MAST4: variants seen among roughly 807,000 people sequenced by gnomAD.
MAST4 encodes microtubule-associated serine/threonine-protein kinase 4.
In MAST4, 89 loss-of-function variants were observed where a neutral mutation model predicts 162.7. The ratio of observed to expected loss-of-function variants is 0.55; its 90% CI spans 0.46 to 0.65. MAST4 has a LOEUF of 0.65. Ranked by LOEUF, MAST4 falls within the 30% of genes least tolerant of loss-of-function variation. The pLI, the probability that MAST4 is intolerant of heterozygous loss-of-function variation, is 0.00. For synonymous variants in MAST4, 1,479 were observed against 1,361.1 expected (o/e 1.09, Z -1.91); for missense variants, 3,153 against 3,374.0 (o/e 0.93, Z 1.62).
chr5:66,857,579 A>T (rs1236939414), intron 3 of MAST4, among the ~76,000 whole-genome samples: 2 of 152,164 alleles, frequency 1.3e-5, no homozygotes, highest in Non-Finnish European at 2.9e-5. Context: ...CACTATTCTG[A>T]TGGGTGTGAA....
At chr5:67,076,126 T>C (rs1761617948) in intron 5 of MAST4, among the ~76,000 whole-genome samples, 1 of 152,210 alleles carries the variant, frequency 6.6e-6, no homozygotes, top group African/African-American at 2.4e-5. Context: ...ATGAGCACCC[T>C]GCAGGATTTG....
intron 26 of MAST4, among the ~76,000 whole-genome samples, chr5:67,155,543 C>G (rs369414473): frequency 1.3e-5 from 2 of 152,144 alleles, no homozygotes; most frequent in Non-Finnish European, 2.9e-5. Context: ...TCTTTTCAAC[C>G]AAGTTGCTTT....
At chr5:66,777,389 A>G (rs914285474) in intron 2 of MAST4, among the ~76,000 whole-genome samples, 5 of 152,186 alleles carry the variant, frequency 3.3e-5, no homozygotes, top group African/African-American at 1.2e-4. Flanking sequence ...TTTACATTCT[A>G]AATTCTCATC....
intron 1 of MAST4, among the ~76,000 whole-genome samples, chr5:66,697,836 C>A (rs950307379): frequency 3.3e-5 from 5 of 152,126 alleles, no homozygotes; most frequent in African/African-American, 1.2e-4. Context: ...GATATAATCA[C>A]AAGGATTTAT....
In MAST4 at chr5:66,596,720, G is replaced by T. The variant is rs1204495822; in HGVS notation, c.65G>T (p.Arg22Leu). The change falls in exon 1 of 29, where the codon CGG becomes CTG. Residue 22 changes from arginine to leucine, a missense_variant. Transcript: ENST00000403625. ...CGCGGCTGCAGTGGCCACGGCAGCC[G>T]GACTCCAGCCTCTGCGCTGGTCGCC... is the stretch of plus-strand genomic sequence containing the variant. ...VPRGCSGHGS[R>L]TPASALVAAS... The T allele has an allele frequency of 6.9e-7, 1 of 1,441,268 alleles. No homozygotes were observed. 89.3% of individuals were successfully genotyped at this position (1,441,268 alleles called of 1,614,324 possible).
chr5:66,813,732 A>G (rs1198204478), intron 3 of MAST4, among the ~76,000 whole-genome samples: 1 of 152,262 alleles, frequency 6.6e-6, no homozygotes, highest in African/African-American at 2.4e-5. Context: ...ATGAGAAGAA[A>G]TAGGTGGTTT....
intron 4 of MAST4, among the ~76,000 whole-genome samples, chr5:66,970,317 TG>T (rs1747272861): frequency 6.6e-6 from 1 of 152,186 alleles, no homozygotes; most frequent in Non-Finnish European, 1.5e-5. Flanking sequence ...GTAGCAGTAA[TG>T]GGGAAGGGCA....
intron 4 of MAST4, among the ~76,000 whole-genome samples, chr5:66,909,075 A>G (rs71626462): frequency 0.033 from 4,983 of 152,208 alleles, 149 homozygotes; most frequent in African/African-American, 0.076. Flanking sequence ...GTTGAGTTAG[A>G]CAAAAGACCA....
At chr5:66,622,990 T>C (rs1281864674) in intron 1 of MAST4, 1 of 152,330 alleles carries the variant, frequency 6.6e-6, no homozygotes, top group Non-Finnish European at 1.5e-5. Context: ...GCCTTCAGTC[T>C]GTTGCTAAGT....
At chr5:66,695,313 T>G (rs575164422) in intron 1 of MAST4, among the ~76,000 whole-genome samples, 2 of 152,296 alleles carry the variant, frequency 1.3e-5, no homozygotes, top group African/African-American at 4.8e-5. Flanking sequence ...TTGCCGAAGA[T>G]CGGATGGTTG....
At chr5:66,751,255 G>A (rs1387789504) in intron 1 of MAST4, among the ~76,000 whole-genome samples, 7 of 152,150 alleles carry the variant, frequency 4.6e-5, no homozygotes, top group East Asian at 1.9e-4. Context: ...TCCTCCAAAG[G>A]AATGCAGTTC....
At chr5:66,793,787 C>A (rs956449296) in intron 3 of MAST4, among the ~76,000 whole-genome samples, 39 of 152,178 alleles carry the variant, frequency 2.6e-4, no homozygotes, top group African/African-American at 7.7e-4. Context: ...CCTTGACCAT[C>A]CTGTTTCAAA....
intron 1 of MAST4, among the ~76,000 whole-genome samples, chr5:66,608,528 C>G (rs1743058257): frequency 1.3e-5 from 2 of 151,892 alleles, no homozygotes; most frequent in African/African-American, 4.8e-5. Flanking sequence ...TTCTTTTACA[C>G]TTATTTGGTA....
intron 4 of MAST4, among the ~76,000 whole-genome samples, chr5:67,006,156 G>A: frequency 6.6e-6 from 1 of 152,200 alleles, no homozygotes; most frequent in East Asian, 1.9e-4. Context: ...CACATACACT[G>A]TTTATATACA....
At position 67,131,864 on chromosome 5, in the gene MAST4, T is replaced by C; in HGVS notation, c.2006T>C (p.Met669Thr). 1 of 1,613,342 alleles carries C rather than the reference T, an allele frequency of 6.2e-7. No homozygotes were observed. Among genetic ancestry groups the C allele is most frequent in the Non-Finnish European group, 8.5e-7 (1 of 1,179,402 alleles). Residue 669 changes from methionine to threonine, a missense_variant, in exon 16 of 29, where the codon ATG becomes ACG. Physicochemically the swap from Met to Thr is moderately conservative, Grantham distance 81. This residue lies in a region of MAST4 where 131 missense variants were observed against 253.8 expected (regional missense o/e 0.52). Transcript: ENST00000403625. ...AACATGGGTCCTCTCCCTGTTGATA[T>C]GGCCAGAATGTACTTTGCTGAGACG... ...MKNMGPLPVDMARMYFAETVL... is the reference protein window; with the variant it reads ...MKNMGPLPVDTARMYFAETVL...
intron 1 of MAST4, among the ~76,000 whole-genome samples, chr5:66,656,774 G>A (rs1326867787): frequency 1.3e-5 from 2 of 152,150 alleles, no homozygotes; most frequent in Admixed American, 6.5e-5. Context: ...CAGTTTTAAA[G>A]TACTCTAAAA....
rs540722183 is a variant in MAST4, at chr5:66,732,993, C to T, written c.364-26716C>T. Reference sequence around the variant, plus strand: ...CCTGCACCCCACTCCTCCTTTTTCTCAGCATCATAATCCAGGTCTTCCCTT... The same window carrying T: ...CCTGCACCCCACTCCTCCTTTTTCTTAGCATCATAATCCAGGTCTTCCCTT... On this transcript the variant is annotated intron_variant, in intron 1 of 28. Transcript: ENST00000403625. Among the ~76,000 whole-genome samples, 14 of 152,322 alleles carry T rather than the reference C, an allele frequency of 9.2e-5. No individual in the cohort carries two copies. In the South Asian group the frequency reaches 2.9e-3, roughly 32 times the overall value.
intron 3 of MAST4, among the ~76,000 whole-genome samples, chr5:66,880,819 A>G (rs1407751580): frequency 1.3e-5 from 2 of 152,222 alleles, no homozygotes; most frequent in Non-Finnish European, 2.9e-5. Flanking sequence ...GGTAAAAAAT[A>G]TCTTTGAAAC....
At chr5:66,894,035 G>C (rs1450455444) in intron 3 of MAST4, among the ~76,000 whole-genome samples, 3 of 152,152 alleles carry the variant, frequency 2.0e-5, no homozygotes, top group Admixed American at 2.0e-4. Context: ...CAAGTAGTGA[G>C]AACTCCATTT....
Sources: allele counts gnomAD v4.1 joint callset (sites outside exome capture counted in the v4.1 genomes callset), GRCh38; gene constraint gnomAD v4.1.1; regional missense constraint gnomAD v4.1.1; transcripts MANE v1.5; gene names NCBI Gene and HGNC (gene_info 2026-07-23, HGNC 2026-07-21).